The following NCKAP5 variants were observed in gnomAD, a reference collection of about 807,000 sequenced individuals.
The protein encoded by NCKAP5 is nck-associated protein 5.
In NCKAP5, 92 loss-of-function variants were observed where a neutral mutation model predicts 167.0. The ratio of observed to expected loss-of-function variants is 0.55; its 90% CI spans 0.47 to 0.66. The LOEUF (loss-of-function observed/expected upper bound fraction) is 0.66. NCKAP5 is among the 30% of genes least tolerant of loss of function. The pLI is 0.00. For missense variants in NCKAP5, 2,378 were observed against 2,315.0 expected (o/e 1.03, Z -0.56); for synonymous variants, 891 against 877.4 (o/e 1.02, Z -0.27).
At chr2:133,344,771 C>G (rs1559401977) in intron 3 of NCKAP5, among the ~76,000 whole-genome samples, 2 of 152,002 alleles carry the variant, frequency 1.3e-5, no homozygotes, top group Non-Finnish European at 2.9e-5. Context: ...TAATATATAC[C>G]ACCATTAGAT....
intron 4 of NCKAP5, among the ~76,000 whole-genome samples, chr2:133,281,084 C>T (rs2150463917): frequency 6.6e-6 from 1 of 152,318 alleles, no homozygotes; most frequent in Admixed American, 6.5e-5. Context: ...ACTTGTTCTA[C>T]AGCACATACA....
At chr2:132,719,710 G>A (rs1318924401) in intron 19 of NCKAP5, among the ~76,000 whole-genome samples, 1 of 152,210 alleles carries the variant, frequency 6.6e-6, no homozygotes, top group Non-Finnish European at 1.5e-5. Context: ...GAGTGGGACA[G>A]AGGCAGACCT....
chr2:133,487,146 AC>A (rs1188405712), intron 3 of NCKAP5, among the ~76,000 whole-genome samples: 1 of 152,174 alleles, frequency 6.6e-6, no homozygotes, highest in Non-Finnish European at 1.5e-5. Context: ...CAAAGAAAAT[AC>A]AAATTCACAC....
intron 3 of NCKAP5, among the ~76,000 whole-genome samples, chr2:133,417,366 C>T (rs1312943043): frequency 6.6e-6 from 1 of 152,196 alleles, no homozygotes; most frequent in East Asian, 1.9e-4. Context: ...ACATGCACTT[C>T]TCTCCTACTA....
intron 7 of NCKAP5, 125 bp from the exon 8 acceptor site, chr2:132,963,994 C>G: frequency 2.7e-6 from 3 of 1,095,884 alleles, no homozygotes; most frequent in Non-Finnish European, 4.0e-6. Flanking sequence ...GTTTGCTAAA[C>G]AAATTCTGAG....
the NCKAP5 span, among the ~76,000 whole-genome samples, chr2:133,605,996 A>G: frequency 3.9e-5 from 6 of 152,218 alleles, no homozygotes; most frequent in Admixed American, 2.0e-4. Context: ...ATCTCTTTGC[A>G]TATGCCACAA....
In NCKAP5 at chr2:133,468,215, T is replaced by C. The variant is rs1471985916; in HGVS notation, c.69+49243A>G. Among the ~76,000 whole-genome samples, 2 of 140,146 alleles carry C rather than the reference T, an allele frequency of 1.4e-5. 1 individual carries two copies. The highest frequency in any genetic ancestry group is 5.5e-5 in the African/African-American group (2 of 36,342). 91.9% of individuals were successfully genotyped at this position (140,146 alleles called of 152,430 possible). A position where few individuals can be genotyped will look rare whatever the true frequency, so the allele number is the denominator to read the frequency against. On this transcript the variant is annotated intron_variant, in intron 3 of 19. Transcript: ENST00000409261. Reference sequence around the variant, plus strand: ...CAGAGATTCTGGTATATTGTGTCTTTGTTCTAGTTGGTTTCAAAGAACATT... The same window carrying C: ...CAGAGATTCTGGTATATTGTGTCTTCGTTCTAGTTGGTTTCAAAGAACATT...
chr2:133,369,191 C>T (rs1685641787), intron 3 of NCKAP5, among the ~76,000 whole-genome samples: 1 of 152,158 alleles, frequency 6.6e-6, no homozygotes, highest in African/African-American at 2.4e-5. Context: ...GACAAAGGCA[C>T]TTAAACTGCA....
chr2:133,087,824 T>G (rs1226979079), intron 6 of NCKAP5, among the ~76,000 whole-genome samples: 1 of 152,216 alleles, frequency 6.6e-6, no homozygotes, highest in Non-Finnish European at 1.5e-5. Flanking sequence ...GCCAAGTCAT[T>G]CCTTCACTGC....
At chr2:133,669,003 T>C in the NCKAP5 span, among the ~76,000 whole-genome samples, 2,164 of 152,280 alleles carry the variant, frequency 0.014, 22 homozygotes, top group Middle Eastern at 0.024. Context: ...GGTCAAATTA[T>C]GACAATTTGG....
At chr2:133,054,598 C>A (rs1195361081) in intron 6 of NCKAP5, among the ~76,000 whole-genome samples, 3 of 152,122 alleles carry the variant, frequency 2.0e-5, no homozygotes, top group Non-Finnish European at 4.4e-5. Flanking sequence ...AGTGAAGTCA[C>A]AACTAGGCCA....
intron 4 of NCKAP5, among the ~76,000 whole-genome samples, chr2:133,243,480 T>C (rs947351419): frequency 1.3e-5 from 2 of 152,232 alleles, no homozygotes; most frequent in Admixed American, 6.5e-5. Flanking sequence ...TGTTTTCTTT[T>C]GATTCAGTCC....
chr2:133,394,553 C>G (rs1687622414), intron 3 of NCKAP5, among the ~76,000 whole-genome samples: 3 of 152,214 alleles, frequency 2.0e-5, no homozygotes, highest in African/African-American at 7.2e-5. Context: ...AGTGTTCATC[C>G]TAAGAAGTTT....
At chr2:132,856,789 G>A (rs530995509) in intron 11 of NCKAP5, among the ~76,000 whole-genome samples, 39 of 152,264 alleles carry the variant, frequency 2.6e-4, no homozygotes, top group South Asian at 2.5e-3. Context: ...AGGTGAGCCA[G>A]TTAATTCAAA....
In NCKAP5 at chr2:132,934,409, C is replaced by G. The variant is rs989625663; in HGVS notation, c.579+29311G>C. On this transcript the variant is annotated intron_variant, in intron 8 of 19. Coordinates refer to ENST00000409261, the MANE Select transcript of NCKAP5 (RefSeq NM_207363.3). ...CCAGCAGGGTGAAACCCCATCTCTA[C>G]TAAAAATACAAAAACTAGCCTGACT... 1.4e-4 allele frequency among the ~76,000 whole-genome samples: 21 copies of G among 152,132 alleles called. 1 individual carries two copies. Among genetic ancestry groups the G allele is most frequent in the African/African-American group, 4.8e-4 (20 of 41,436 alleles).
chr2:133,188,438 T>C (rs1043515750), intron 5 of NCKAP5, among the ~76,000 whole-genome samples: 5 of 152,034 alleles, frequency 3.3e-5, no homozygotes, highest in South Asian at 4.2e-4. Context: ...GCCGACCTAA[T>C]AGACACCTAC....
At chr2:132,726,020 G>A (rs564461706) in intron 18 of NCKAP5, among the ~76,000 whole-genome samples, 5 of 152,254 alleles carry the variant, frequency 3.3e-5, no homozygotes, top group African/African-American at 7.2e-5. Flanking sequence ...GCACTCTGCC[G>A]TTGTCCCAGG....
At position 133,056,076 on chromosome 2, in the gene NCKAP5, C is replaced by T. The variant is rs540195677; in HGVS notation, c.342-61837G>A. ...CTTTCCTCAACATTAACTTGTAGGT[C>T]AGGCAGGAAAGTTATATGATTGAAT... On this transcript the variant is annotated intron_variant, in intron 6 of 19. Coordinates refer to ENST00000409261, the MANE Select transcript of NCKAP5 (RefSeq NM_207363.3). Among the ~76,000 whole-genome samples, 11 of 152,244 alleles carry T rather than the reference C, an allele frequency of 7.2e-5. No individual in the cohort carries two copies. The South Asian group carries it at 2.3e-3, about 32-fold the overall frequency.
At chr2:132,722,015 A>G (rs1227522653) in intron 19 of NCKAP5, among the ~76,000 whole-genome samples, 1 of 152,216 alleles carries the variant, frequency 6.6e-6, no homozygotes, top group East Asian at 1.9e-4. Flanking sequence ...TTGACAGAGA[A>G]AAATATTCAG....
Sources: gnomAD v4.1 joint callset for allele counts (sites outside exome capture counted in the v4.1 genomes callset) on GRCh38, gnomAD v4.1.1 for gene constraint, MANE v1.5 for transcripts, NCBI Gene and HGNC (gene_info 2026-07-23, HGNC 2026-07-21) for gene names.